DST: variants seen among roughly 807,000 people sequenced by gnomAD.
DST encodes the protein bullous pemphigoid antigen.
DST carries 253 observed loss-of-function variants against 875.2 expected under a neutral mutation model. The ratio of observed to expected loss-of-function variants is 0.29; its 90% confidence interval spans 0.26 to 0.32. DST has a LOEUF of 0.32. Among genes scored for constraint, DST ranks in the 10% least tolerant of loss-of-function variants. The pLI is 1.00. For missense variants in DST, 8,287 were observed against 9,111.6 expected, an observed-to-expected ratio of 0.91 and a Z score of 3.68; for synonymous variants, 3,124 against 3,197.1, an observed-to-expected ratio of 0.98 and a Z score of 0.77.
At chr6:56,569,307 A>G (rs2097737286) in intron 54 of DST, among the ~76,000 whole-genome samples, 1 of 148,364 alleles carries the variant, frequency 6.7e-6, no homozygotes, top group Non-Finnish European at 1.5e-5. Context: ...CCTGGGCAAA[A>G]GAGCAAGACT....
At chr6:56,765,662 A>T (rs2099631562) in intron 4 of DST, among the ~76,000 whole-genome samples, 1 of 152,220 alleles carries the variant, frequency 6.6e-6, no homozygotes, top group Admixed American at 6.5e-5. Context: ...TGAATGGTGA[A>T]GTATGAGTTA....
chr6:56,615,504 T>C, intron 36 of DST: 1 of 1,613,986 alleles, frequency 6.2e-7, no homozygotes, highest in Non-Finnish European at 8.5e-7. Context: ...CACAGTTATT[T>C]AAACATGTCC....
At chr6:56,877,087 C>T (rs562294585) in intron 3 of DST, among the ~76,000 whole-genome samples, 1 of 151,952 alleles carries the variant, frequency 6.6e-6, no homozygotes, top group South Asian at 2.1e-4. Context: ...GCTAAAAAAA[C>T]ATTTGGCCTA....
At position 56,607,056 on chromosome 6, in the gene DST, A is replaced by G; in HGVS notation, c.7572T>C (p.Asp2524=). 3 of 1,613,288 alleles carry G rather than the reference A, an allele frequency of 1.9e-6. No individual in the cohort carries two copies. Among genetic ancestry groups the G allele is most frequent in the Non-Finnish European group, 2.5e-6 (3 of 1,179,578 alleles). Residue 2524 remains aspartate, a synonymous_variant, in exon 40 of 104, where the codon GAT becomes GAC. Transcript: ENST00000680361. ...CACCAGAAGTATTTGAAATGTATTT[A>G]TCATTGTGATATTGTACTTGAGGAT... ...SSNPQVQYHN[D]KYISNTSGED... is the part of the protein sequence containing the mutation.
intron 10 of DST, among the ~76,000 whole-genome samples, chr6:56,658,139 T>C (rs2099019977): frequency 6.6e-6 from 1 of 152,156 alleles, no homozygotes; most frequent in Non-Finnish European, 1.5e-5. Flanking sequence ...CTCGGCTCAC[T>C]GCAACCCCCG....
At chr6:56,907,345 T>C (rs1024342034) in intron 2 of DST, among the ~76,000 whole-genome samples, 1 of 152,250 alleles carries the variant, frequency 6.6e-6, no homozygotes, top group African/African-American at 2.4e-5. Flanking sequence ...TGGTTAGCTA[T>C]TTTCCTTGGA....
chr6:56,562,430 TATATA>T (rs1333194368), intron 55 of DST, among the ~76,000 whole-genome samples: 24 of 152,052 alleles, frequency 1.6e-4, no homozygotes, highest in African/African-American at 5.8e-4. Flanking sequence ...ATGTTTATAT[TATATA>T]AATTAATCAT....
rs1370568867 is a variant in DST at position 56,604,717 on chromosome 6, C to G, written c.9911G>C (p.Ser3304Thr). The G allele has an allele frequency of 6.2e-7, 1 of 1,612,308 alleles. No individual in the cohort carries two copies. Among genetic ancestry groups the G allele is most frequent in the Admixed American group, 1.7e-5 (1 of 59,786 alleles). ...CANGLGNDNS[S>T]NTLNTDYSFL... ...TGAATAGTCAGTATTTAAAGTGTTA[C>G]TGGAGTTATCATTTCCTAATCCATT... Residue 3304 changes from serine to threonine, a missense_variant, in exon 40 of 104, where the codon AGT becomes ACT. Ser to Thr is a moderately conservative substitution (Grantham distance 58, BLOSUM62 1). This residue lies in a region of DST where 3,138 missense variants were observed against 3,116.6 expected (regional missense o/e 1.01). Coordinates refer to ENST00000680361, the MANE Select transcript of DST (RefSeq NM_001374736.1).
chr6:56,475,940 A>G (rs1348298208), intron 92 of DST, among the ~76,000 whole-genome samples: 1 of 152,184 alleles, frequency 6.6e-6, no homozygotes, highest in Non-Finnish European at 1.5e-5. Flanking sequence ...CAGAGGACAA[A>G]GAAGGAAAGT....
At chr6:56,852,014 T>C in intron 3 of DST, 1 of 1,436,278 alleles carries the variant, frequency 7.0e-7, no homozygotes. Context: ...TGCTGCTTAA[T>C]TCATCAATGC....
At chr6:56,637,669 T>C (rs1379606901) in intron 22 of DST, among the ~76,000 whole-genome samples, 1 of 152,172 alleles carries the variant, frequency 6.6e-6, no homozygotes, top group Non-Finnish European at 1.5e-5. Flanking sequence ...GTATCTTTCA[T>C]GAGGGTAAAC....
chr6:56,777,579 A>G (rs1413398201), intron 4 of DST, among the ~76,000 whole-genome samples: 1 of 152,074 alleles, frequency 6.6e-6, no homozygotes, highest in East Asian at 1.9e-4. Context: ...CCCACTTTCT[A>G]ATTTGAAACT....
In DST at chr6:56,828,657, C is replaced by T. The variant is rs376612447; in HGVS notation, c.625+22740G>A. The stretch of plus-strand genomic sequence containing the variant: ...TCAGGAGACCTTAGTTTAGAGCTTG[C>T]TTTTTCCTTTACTGACCCTCCTTTT... On this transcript the variant is annotated intron_variant, in intron 4 of 103. Transcript: ENST00000680361. Among the ~76,000 whole-genome samples the T allele has an allele frequency of 5.9e-5, 9 of 152,312 alleles. No individual in the cohort carries two copies. The East Asian group carries it at 1.7e-3, about 29-fold the overall frequency.
rs2096826104 is a variant in DST, at chr6:56,527,609, G to A, written c.17806C>T (p.His5936Tyr). Reference protein sequence around the residue: ...EQALQLARRLHSTHEELCTWL... With the variant: ...EQALQLARRLYSTHEELCTWL... ...GTACACAGCTCTTCGTGTGTGGAGT[G>A]CAGCCGCCTTGCAAGCTGCAGCGCC... The change falls in exon 68 of 104, where the codon CAC becomes TAC. Residue 5936 changes from histidine (H) to tyrosine (Y), a missense_variant. This residue lies in a region of DST where 777 missense variants were observed against 764.8 expected (regional missense o/e 1.02). Coordinates refer to ENST00000680361, the MANE Select transcript of DST (RefSeq NM_001374736.1). 6.2e-7 allele frequency: 1 copy of A among 1,613,828 alleles called. No homozygotes were observed. The highest frequency in any genetic ancestry group is 1.3e-5 in the African/African-American group (1 of 75,062).
At chr6:56,721,390 A>C (rs2099415945) in intron 5 of DST, among the ~76,000 whole-genome samples, 1 of 152,284 alleles carries the variant, frequency 6.6e-6, no homozygotes, top group Non-Finnish European at 1.5e-5. Flanking sequence ...CAGGCCTAGC[A>C]AATCACAAGG....
chr6:56,654,684 T>C (rs115435470), intron 10 of DST, among the ~76,000 whole-genome samples: 244 of 150,874 alleles, frequency 1.6e-3, no homozygotes, highest in Non-Finnish European at 3.0e-3. Flanking sequence ...AGTATAAGGA[T>C]ATCACCACCT....
At chr6:56,620,246 A>G (rs201304830) in intron 36 of DST, 2 of 1,613,902 alleles carry the variant, frequency 1.2e-6, no homozygotes, top group East Asian at 4.5e-5. Context: ...CAAATCATTG[A>G]GACTTAAATC....
intron 2 of DST, among the ~76,000 whole-genome samples, chr6:56,934,559 A>AT (rs1554267210): frequency 3.0e-5 from 2 of 67,218 alleles, no homozygotes; most frequent in African/African-American, 1.3e-4. Flanking sequence ...TATATATTAT[A>AT]TTATATATAT....
At chr6:56,888,053 C>T (rs547549964) in intron 3 of DST, among the ~76,000 whole-genome samples, 3 of 151,048 alleles carry the variant, frequency 2.0e-5, no homozygotes, top group Admixed American at 2.0e-4. Context: ...CGGGTTCAAG[C>T]GATTCTCCTG....
Sources: allele counts gnomAD v4.1 joint callset (sites outside exome capture counted in the v4.1 genomes callset), GRCh38; gene constraint gnomAD v4.1.1; regional missense constraint gnomAD v4.1.1; transcripts MANE v1.5; gene names NCBI Gene and HGNC (gene_info 2026-07-23, HGNC 2026-07-21).